The following ABCC9 variants were observed in gnomAD, a reference collection of about 807,000 sequenced individuals.
The protein encoded by ABCC9 is ATP-binding cassette sub-family C member 9.
ABCC9 carries 95 observed loss-of-function variants against 188.3 expected under a neutral mutation model. That is an observed-to-expected ratio of 0.50 (90% CI 0.43 to 0.60). The LOEUF is 0.60. ABCC9 is among the 20% of genes least tolerant of loss of function. The pLI is 0.00. For synonymous variants in ABCC9, 659 were observed against 652.7 expected (o/e 1.01, Z -0.15); for missense variants, 1,102 against 1,876.3 (o/e 0.59, Z 7.62).
chr12:21,915,514 A>ATATTTT, intron 7 of ABCC9, among the ~76,000 whole-genome samples, 154 bp downstream of exon 7: 1 of 3,520 alleles, frequency 2.8e-4, no homozygotes, highest in Non-Finnish European at 4.7e-4. Flanking sequence ...ATATATATAT[A>ATATTTT]TTTTTTTTTT....
At chr12:21,827,289 TC>T in intron 31 of ABCC9, 2 of 985,328 alleles carry the variant, frequency 2.0e-6, no homozygotes, top group Non-Finnish European at 2.4e-6. Flanking sequence ...TCAACACTTA[TC>T]CATTAATCTG....
chr12:21,830,066 TA>T (rs1358514960), intron 30 of ABCC9, among the ~76,000 whole-genome samples: 1 of 152,186 alleles, frequency 6.6e-6, no homozygotes. Flanking sequence ...TTCTATGATA[TA>T]TATCGTTTGG....
chr12:21,933,695 TG>T, intron 4 of ABCC9, 86 bp downstream of exon 4: 3 of 1,498,092 alleles, frequency 2.0e-6, no homozygotes, highest in Non-Finnish European at 2.8e-6. Flanking sequence ...AGCACATTTA[TG>T]GGCACAAGTT....
At chr12:21,836,973 A>G (rs1944136384) in intron 30 of ABCC9, among the ~76,000 whole-genome samples, 1 of 152,132 alleles carries the variant, frequency 6.6e-6, no homozygotes, top group African/African-American at 2.4e-5. Context: ...TTGGAAATGA[A>G]AGGCCGTGTC....
chr12:21,816,028 A>C, intron 33 of ABCC9, 135 bp from the exon 34 acceptor site: 1 of 154,204 alleles, frequency 6.5e-6, no homozygotes. Flanking sequence ...GAACCAAACT[A>C]TGTGGCAGTT....
chr12:21,909,802 A>T (rs1298557348), intron 10 of ABCC9, among the ~76,000 whole-genome samples: 2 of 151,972 alleles, frequency 1.3e-5, no homozygotes, highest in African/African-American at 4.8e-5. Flanking sequence ...AATGCTGGGC[A>T]CTATGCTAGA....
intron 12 of ABCC9, among the ~76,000 whole-genome samples, chr12:21,904,472 A>G (rs532168483): frequency 4.6e-5 from 7 of 152,288 alleles, no homozygotes; most frequent in Non-Finnish European, 8.8e-5. Context: ...AAAAGAAACT[A>G]CCATCAAAGC....
Position 21,870,060 on chromosome 12 carries a change from A to C in ABCC9, c.2198+2565T>G, listed in dbSNP as rs376165143. 2.7e-4 allele frequency among the ~76,000 whole-genome samples: 41 copies of C among 151,612 alleles called. No homozygotes were observed. In the South Asian group the frequency reaches 7.9e-3, roughly 29 times the overall value. On this transcript the variant is annotated intron_variant, in intron 18 of 39. Coordinates refer to ENST00000261200, the MANE Select transcript of ABCC9 (RefSeq NM_020297.4). ...TGATACTACCCATACCACATCCTTC[A>C]CCCCCTCCTGCCTGCCCTCTAAACC...
Position 21,936,638 on chromosome 12 carries a change from A to T in ABCC9, c.37T>A (p.Tyr13Asn). 1 of 1,611,294 alleles carries T rather than the reference A, an allele frequency of 6.2e-7. No homozygotes were observed. Among genetic ancestry groups the T allele is most frequent in the Non-Finnish European group, 8.5e-7 (1 of 1,177,562 alleles). Residue 13 changes from tyrosine (Y) to asparagine (N), a missense_variant, in exon 3 of 40, where the codon TAT becomes AAT. Tyr to Asn is a moderately radical substitution (Grantham distance 143). Around this residue, in one of 12 missense-constraint regions of ABCC9, gnomAD observed 305 missense variants for 573.0 expected, o/e 0.53. Coordinates refer to ENST00000261200, the MANE Select transcript of ABCC9 (RefSeq NM_020297.4). ...TGTAGTACACCATCGTTGATATTAT[A>T]TGAAGAAATGTTGTTACCACAAAAT... is the stretch of plus-strand genomic sequence containing the variant. ...LSFCGNNISS[Y>N]NINDGVLQNS... is the part of the protein sequence containing the mutation.
At chr12:21,904,038 G>C (rs189593381) in intron 12 of ABCC9, among the ~76,000 whole-genome samples, 12 of 152,128 alleles carry the variant, frequency 7.9e-5, no homozygotes, top group Non-Finnish European at 1.0e-4. Flanking sequence ...ATACTACAAG[G>C]CTACAGTAAC....
intron 12 of ABCC9, among the ~76,000 whole-genome samples, chr12:21,895,656 T>C (rs1050384253): frequency 2.0e-5 from 3 of 152,242 alleles, no homozygotes; most frequent in African/African-American, 7.2e-5. Flanking sequence ...ACAGTCTATC[T>C]TTTGTTTAGT....
chr12:21,923,621 G>A (rs1948924756), intron 5 of ABCC9: 1 of 541,500 alleles, frequency 1.8e-6, no homozygotes. Context: ...ATTAGACCAA[G>A]ATCACCAAAT....
chr12:21,838,696 A>G (rs1291388765), intron 29 of ABCC9, among the ~76,000 whole-genome samples: 1 of 152,172 alleles, frequency 6.6e-6, no homozygotes, highest in Non-Finnish European at 1.5e-5. Flanking sequence ...AGTGGATTGT[A>G]GAAACATCCT....
At chr12:21,827,077 T>A (rs1943424420) in intron 31 of ABCC9, 1 of 972,446 alleles carries the variant, frequency 1.0e-6, no homozygotes, top group Non-Finnish European at 1.2e-6. Flanking sequence ...CAGAGTCTAT[T>A]ATATTTAGAC....
intron 30 of ABCC9, among the ~76,000 whole-genome samples, chr12:21,835,324 C>T (rs1479233763): frequency 6.6e-6 from 1 of 152,196 alleles, no homozygotes; most frequent in Non-Finnish European, 1.5e-5. Flanking sequence ...GGACACATTA[C>T]AGCTCTTAAG....
rs1565475528 is a variant in ABCC9, at chr12:21,910,947, AG to A, written c.1042del (p.Glu349LysfsTer6). ...ISETLSSKEFLENAYVLAVLL... is the reference protein window; with the variant it reads ...ISETLSSKEFXENAYVLAVLL... ...AACTGCTAGAACGTAAGCGTTTTCA[AG>A]AAATTCCTTTGATGAGAGGGTTTCT... On this transcript the variant is annotated frameshift_variant, in exon 9 of 40. Transcript: ENST00000261200. LOFTEE classifies it high-confidence loss of function. The A allele has an allele frequency of 6.2e-7, 1 of 1,612,450 alleles. No individual in the cohort carries two copies. The highest frequency in any genetic ancestry group is 2.2e-5 in the East Asian group (1 of 44,814).
At chr12:21,834,931 G>A (rs1943993674) in intron 30 of ABCC9, among the ~76,000 whole-genome samples, 3 of 151,908 alleles carry the variant, frequency 2.0e-5, no homozygotes, top group Admixed American at 2.0e-4. Flanking sequence ...TAAACTAGCA[G>A]TCACAACATC....
At chr12:21,922,866 G>A (rs897628049) in intron 5 of ABCC9, 1 of 149,672 alleles carries the variant, frequency 6.7e-6, no homozygotes, top group East Asian at 2.0e-4. Flanking sequence ...AATGTTGTGT[G>A]ACTTATAATT....
chr12:21,862,974 C>G lies in ABCC9; in HGVS notation c.2318G>C (p.Gly773Ala). The G allele has an allele frequency of 1.2e-6, 2 of 1,610,864 alleles. No homozygotes were observed. Among genetic ancestry groups the G allele is most frequent in the Non-Finnish European group, 1.7e-6 (2 of 1,177,552 alleles). The change falls in exon 20 of 40, where the codon GGA becomes GCA. Residue 773 changes from glycine to alanine, a missense_variant. Coordinates refer to ENST00000261200, the MANE Select transcript of ABCC9 (RefSeq NM_020297.4). ...TTACCTCTGTTTGTTAAAAGGACTT[C>G]CAAAAGTAATATTTTCTTCTACTGT... ...NATVEENITF[G>A]SPFNKQRYKA... is the part of the protein sequence containing the mutation.
Sources: allele counts gnomAD v4.1 joint callset (sites outside exome capture counted in the v4.1 genomes callset), GRCh38; gene constraint gnomAD v4.1.1; regional missense constraint gnomAD v4.1.1; transcripts MANE v1.5; gene names NCBI Gene and HGNC (gene_info 2026-07-23, HGNC 2026-07-21).